Variants in COL4A2 observed in about 807,000 individuals in gnomAD.
COL4A2 encodes the protein collagen alpha-2(IV) chain.
A neutral mutation model predicts 200.2 loss-of-function variants in COL4A2; 99 were observed. That is an observed-to-expected ratio of 0.49 (90% CI 0.42 to 0.58). The LOEUF (loss-of-function observed/expected upper bound fraction) is 0.58. Ranked by LOEUF, COL4A2 falls within the 20% of genes least tolerant of loss-of-function variation. The probability of loss-of-function intolerance (pLI) is 0.00; values close to 1 mark genes in which losing one functional copy is unlikely to be tolerated. For missense variants in COL4A2, 1,950 were observed against 2,314.1 expected (o/e 0.84, Z 3.23); for synonymous variants, 897 against 900.6 (o/e 1.00, Z 0.07).
chr13:110,421,285 C>G (rs1471790463), intron 4 of COL4A2, among the ~76,000 whole-genome samples: 2 of 152,182 alleles, frequency 1.3e-5, no homozygotes. Flanking sequence ...AACAGAGACT[C>G]AAGTAGTCAC....
rs1883969086 is a variant in COL4A2, at chr13:110,508,615, C to A, written c.4881+394C>A. Among the ~76,000 whole-genome samples the A allele has an allele frequency of 6.6e-6, 1 of 152,202 alleles. No homozygotes were observed. The highest frequency in any genetic ancestry group is 6.5e-5 in the Admixed American group (1 of 15,288). ...ATCTTATTTAGAATCTATCTGGAAC[C>A]TAGAATACCCTGAAGAAATACCTAT... On this transcript the variant is annotated intron_variant, in intron 47 of 47. Transcript: ENST00000360467. This position sits in a 1 kb window ranked among gnomAD's most constrained non-coding sequence, Gnocchi z 6.1.
intron 20 of COL4A2, among the ~76,000 whole-genome samples, chr13:110,452,457 C>T (rs918210649): frequency 1.1e-4 from 16 of 152,204 alleles, no homozygotes; most frequent in African/African-American, 3.1e-4. Flanking sequence ...CCAACGCGCC[C>T]GGCCCAAAGT....
In COL4A2 at chr13:110,466,933, G is replaced by A. The variant is rs1177529321; in HGVS notation, c.2039-107G>A. 5.8e-6 allele frequency: 8 copies of A among 1,385,440 alleles called. No homozygotes were observed. The East Asian group carries it at 1.9e-4, about 33-fold the overall frequency. The allele number at this position is 1,385,440 out of a possible 1,614,324, so 85.8% of individuals were successfully genotyped here. A position where few individuals can be genotyped will look rare whatever the true frequency, so the allele number is the denominator to read the frequency against. On this transcript the variant is annotated intron_variant, in intron 26 of 47. Coordinates refer to ENST00000360467, the MANE Select transcript of COL4A2 (RefSeq NM_001846.4). ...CATTAAGTTACTCTGATCCCAGAATGGTAGCCGGTTTGCACAGCTCGTGCT... is the reference window on the plus strand; with the variant it reads ...CATTAAGTTACTCTGATCCCAGAATAGTAGCCGGTTTGCACAGCTCGTGCT...
At chr13:110,471,966 G>A (rs1275424419) in intron 28 of COL4A2, among the ~76,000 whole-genome samples, 1 of 152,030 alleles carries the variant, frequency 6.6e-6, no homozygotes, top group Non-Finnish European at 1.5e-5. Flanking sequence ...GTCAGCTGTG[G>A]GAGTTCATTC....
chr13:110,317,712 G>A (rs1262982401), intron 3 of COL4A2, among the ~76,000 whole-genome samples: 2 of 152,204 alleles, frequency 1.3e-5, no homozygotes, highest in African/African-American at 4.8e-5. Flanking sequence ...CCCTCTCCAA[G>A]TCTGGCTTGA....
intron 4 of COL4A2, among the ~76,000 whole-genome samples, chr13:110,388,262 A>C (rs544023940): frequency 6.6e-6 from 1 of 152,326 alleles, no homozygotes; most frequent in South Asian, 2.1e-4. Context: ...GCATTTCCCC[A>C]GCCGCAGCCA....
rs756880529 is a variant in COL4A2 at position 110,465,443 on chromosome 13, T to C, written c.1815T>C (p.Tyr605=). Residue 605 remains tyrosine, a synonymous_variant, in exon 25 of 48, where the codon TAT becomes TAC. Transcript: ENST00000360467. ...GIKGPPGDPG[Y]PGIPGTKGTP... ...AGGGCCCTCCAGGGGACCCAGGCTA[T>C]CCAGGAATACCTGGAACGAAGGGTA... 5 of 1,613,684 alleles carry C rather than the reference T, an allele frequency of 3.1e-6. No homozygotes were observed. In the East Asian group the frequency reaches 6.7e-5, roughly 22 times the overall value.
At chr13:110,423,503 T>C (rs1159954043) in intron 4 of COL4A2, among the ~76,000 whole-genome samples, 1 of 152,128 alleles carries the variant, frequency 6.6e-6, no homozygotes, top group Non-Finnish European at 1.5e-5. Flanking sequence ...AACACCTAGG[T>C]GATGGGTTGA....
rs370209795 is a variant in COL4A2 at position 110,508,232 on chromosome 13, T to C, written c.4881+11T>C. On this transcript the variant is annotated intron_variant, in intron 47 of 47. Coordinates refer to ENST00000360467, the MANE Select transcript of COL4A2 (RefSeq NM_001846.4). This position sits in a 1 kb window ranked among gnomAD's most constrained non-coding sequence, Gnocchi z 6.1. ...TATTCCTTCCTCATGGTATGTGGTATTTGCCCAGTTCCCCTCCCCAACCAC... is the reference window on the plus strand; with the variant it reads ...TATTCCTTCCTCATGGTATGTGGTACTTGCCCAGTTCCCCTCCCCAACCAC... 173 of 1,611,380 alleles carry C rather than the reference T, an allele frequency of 1.1e-4. No homozygotes were observed. The highest frequency in any genetic ancestry group is 3.3e-4 in the Middle Eastern group (2 of 6,076).
At position 110,375,603 on chromosome 13, in the gene COL4A2, G is replaced by A. The variant is rs141951470; in HGVS notation, c.180+18051G>A. ...CCGGCACTTTGGGAGACCAAGGTGG[G>A]CAGATCACTTGTGGTCAGGAGTTCG... On this transcript the variant is annotated intron_variant, in intron 4 of 47. Coordinates refer to ENST00000360467, the MANE Select transcript of COL4A2 (RefSeq NM_001846.4). Among the ~76,000 whole-genome samples the A allele has an allele frequency of 7.4e-4, 112 of 152,292 alleles. 2 individuals are homozygous for A. In the East Asian group the frequency reaches 0.021, roughly 29 times the overall value.
intron 40 of COL4A2, among the ~76,000 whole-genome samples, chr13:110,496,749 C>T (rs1371478402): frequency 4.0e-5 from 6 of 151,080 alleles, no homozygotes; most frequent in Admixed American, 3.9e-4. Flanking sequence ...AGTCCACCAG[C>T]ACAGCCTCAG....
At chr13:110,362,659 C>G (rs1877569821) in intron 4 of COL4A2, among the ~76,000 whole-genome samples, 1 of 152,140 alleles carries the variant, frequency 6.6e-6, no homozygotes, top group Admixed American at 6.5e-5. Flanking sequence ...TTTCTTTATA[C>G]ACCATGGAGA....
intron 4 of COL4A2, among the ~76,000 whole-genome samples, chr13:110,410,123 C>T (rs532702676): frequency 3.3e-4 from 50 of 152,322 alleles, no homozygotes; most frequent in African/African-American, 1.2e-3. Flanking sequence ...GAATTGGGAT[C>T]TGGCTTTTAC....
At chr13:110,372,938 G>C (rs546610543) in intron 4 of COL4A2, among the ~76,000 whole-genome samples, 49 of 152,206 alleles carry the variant, frequency 3.2e-4, no homozygotes, top group Non-Finnish European at 6.9e-4. Flanking sequence ...TTTCCAAACT[G>C]TGGTATAGGT....
intron 3 of COL4A2, among the ~76,000 whole-genome samples, chr13:110,309,440 T>C (rs1417604203): frequency 1.3e-5 from 2 of 152,232 alleles, no homozygotes; most frequent in African/African-American, 4.8e-5. Flanking sequence ...ATGTAAGACT[T>C]GGCTCAGATT....
intron 3 of COL4A2, among the ~76,000 whole-genome samples, chr13:110,315,542 C>T (rs1482470849): frequency 1.3e-5 from 2 of 152,058 alleles, no homozygotes; most frequent in Non-Finnish European, 2.9e-5. Flanking sequence ...ATTACAGGCA[C>T]GAGTCACCAT....
At chr13:110,497,275 G>T (rs1332094520) in intron 40 of COL4A2, among the ~76,000 whole-genome samples, 1 of 149,210 alleles carries the variant, frequency 6.7e-6, no homozygotes, top group African/African-American at 2.5e-5. Context: ...TCACTCAGGG[G>T]TGAGGATCTA....
At chr13:110,407,085 C>G (rs1372624183) in intron 4 of COL4A2, among the ~76,000 whole-genome samples, 1 of 152,182 alleles carries the variant, frequency 6.6e-6, no homozygotes, top group Non-Finnish European at 1.5e-5. Flanking sequence ...CTGGGAATCT[C>G]TGTGATATAA....
chr13:110,436,593 G>A (rs2139464928), intron 13 of COL4A2, among the ~76,000 whole-genome samples: 1 of 150,712 alleles, frequency 6.6e-6, no homozygotes, highest in Admixed American at 6.7e-5. Flanking sequence ...TCTCAATTCT[G>A]ATGAATCTGA....
Sources: gnomAD v4.1 joint callset for allele counts (sites outside exome capture counted in the v4.1 genomes callset) on GRCh38, gnomAD v4.1.1 for gene constraint, Gnocchi (gnomAD v3.1) non-coding constraint, MANE v1.5 for transcripts, NCBI Gene and HGNC (gene_info 2026-07-23, HGNC 2026-07-21) for gene names.